The following SNX7 variants were observed in gnomAD, a reference collection of about 807,000 sequenced individuals.
SNX7 encodes sorting nexin-7.
SNX7 carries 35 observed loss-of-function variants against 48.4 expected under a neutral mutation model. The ratio of observed to expected loss-of-function variants is 0.72; its 90% confidence interval spans 0.55 to 0.96. The LOEUF (loss-of-function observed/expected upper bound fraction) is 0.96. SNX7 is among the 40% of genes least tolerant of loss of function. The pLI is 0.00. For synonymous variants in SNX7, 190 were observed against 190.2 expected (o/e 1.00, Z 0.01); for missense variants, 553 against 548.9 (o/e 1.01, Z -0.07).
chr1:98,677,272 T>C (rs1650216312), intron 1 of SNX7: 1 of 152,236 alleles, frequency 6.6e-6, no homozygotes, highest in Non-Finnish European at 1.5e-5. Flanking sequence ...TAGCCCTTCC[T>C]TTCCCATCTT....
At chr1:98,681,410 TAGC>T (rs1435078037) in intron 1 of SNX7, among the ~76,000 whole-genome samples, 2 of 152,122 alleles carry the variant, frequency 1.3e-5, no homozygotes, top group Non-Finnish European at 2.9e-5. Context: ...CAGGGCAACA[TAGC>T]AAGACCTTAT....
intron 8 of SNX7, among the ~76,000 whole-genome samples, chr1:98,742,455 A>G (rs1654118918): frequency 6.6e-6 from 1 of 152,110 alleles, no homozygotes; most frequent in African/African-American, 2.4e-5. Context: ...GTTTCTACTA[A>G]TGTTAATTTT....
intron 8 of SNX7, among the ~76,000 whole-genome samples, chr1:98,745,003 A>G (rs1049204220): frequency 6.6e-6 from 1 of 152,062 alleles, no homozygotes; most frequent in Non-Finnish European, 1.5e-5. Context: ...TACTGGAACA[A>G]TGTTTCCAAA....
chr1:98,756,422 G>GTTTTTTTT (rs35117249), intron 8 of SNX7, among the ~76,000 whole-genome samples: 5 of 54,686 alleles, frequency 9.1e-5, no homozygotes, highest in Admixed American at 3.3e-4. Flanking sequence ...TGCCAGATGA[G>GTTTTTTTT]TTTTTTTTTT....
chr1:98,717,522 C>G (rs1483745355), intron 7 of SNX7, among the ~76,000 whole-genome samples: 1 of 152,124 alleles, frequency 6.6e-6, no homozygotes, highest in Non-Finnish European at 1.5e-5. Flanking sequence ...ACCGCTATAT[C>G]TAATCCCAGA....
rs369778130 is a variant in SNX7, at chr1:98,684,884, G to A, written c.181-1G>A. 1.4e-6 allele frequency: 2 copies of A among 1,478,870 alleles called. No homozygotes were observed. The highest frequency in any genetic ancestry group is 1.5e-5 in the South Asian group (1 of 66,282). 91.6% of individuals were successfully genotyped at this position (1,478,870 alleles called of 1,614,324 possible). On this transcript the variant is annotated splice_acceptor_variant, in intron 1 of 8. Transcript: ENST00000306121. LOFTEE classifies it high-confidence loss of function. ...TAATTTTTGAATGTTTTATTTCTTA[G>A]GATGCCTCATTGATGGACATGAACT...
chr1:98,710,022 C>T (rs1415260325), intron 7 of SNX7, among the ~76,000 whole-genome samples: 1 of 152,094 alleles, frequency 6.6e-6, no homozygotes, highest in Non-Finnish European at 1.5e-5. Context: ...ACATTTCTTA[C>T]AACATACTGT....
chr1:98,698,966 G>A, intron 6 of SNX7, 61 bp downstream of exon 6: 1 of 1,503,222 alleles, frequency 6.7e-7, no homozygotes, highest in Non-Finnish European at 9.2e-7. Flanking sequence ...CTCCATAAAG[G>A]CAACTGTATT....
intron 2 of SNX7, among the ~76,000 whole-genome samples, chr1:98,690,621 C>T (rs1174187097): frequency 6.6e-6 from 1 of 151,962 alleles, no homozygotes; most frequent in East Asian, 1.9e-4. Flanking sequence ...TCCAAGAAAA[C>T]ATTTTTCTCA....
At chr1:98,741,240 C>T (rs981369664) in intron 8 of SNX7, among the ~76,000 whole-genome samples, 3 of 152,038 alleles carry the variant, frequency 2.0e-5, no homozygotes, top group African/African-American at 7.2e-5. Flanking sequence ...TTGGATTTAC[C>T]TGTATTAAGT....
At chr1:98,751,494 G>A (rs2101054289) in intron 8 of SNX7, among the ~76,000 whole-genome samples, 1 of 152,160 alleles carries the variant, frequency 6.6e-6, no homozygotes, top group Admixed American at 6.6e-5. Context: ...TCACCTTCCT[G>A]TGGTGGCTCT....
intron 1 of SNX7, among the ~76,000 whole-genome samples, chr1:98,673,092 C>A (rs1354826331): frequency 6.6e-6 from 1 of 152,144 alleles, no homozygotes; most frequent in Admixed American, 6.5e-5. Flanking sequence ...AAGTGTTTTA[C>A]TTTGGGATTT....
intron 2 of SNX7, among the ~76,000 whole-genome samples, chr1:98,685,515 T>G (rs1447074905): frequency 3.3e-5 from 5 of 152,166 alleles, no homozygotes; most frequent in African/African-American, 1.2e-4. Context: ...TATGAGATAC[T>G]GTTATGTGTG....
intron 8 of SNX7, among the ~76,000 whole-genome samples, chr1:98,750,109 TATAATA>T (rs1368904352): frequency 2.0e-5 from 3 of 152,028 alleles, no homozygotes; most frequent in Non-Finnish European, 4.4e-5. Flanking sequence ...TTACATATTC[TATAATA>T]ATAAGTATCA....
At chr1:98,694,369 CA>C (rs775800995) in intron 4 of SNX7, among the ~76,000 whole-genome samples, 1,692 of 54,090 alleles carry the variant, frequency 0.031, 6 homozygotes, top group African/African-American at 0.064. Flanking sequence ...GACTCCGTCT[CA>C]AAAAAAAAAA....
At chr1:98,746,289 G>A (rs761821953) in intron 8 of SNX7, among the ~76,000 whole-genome samples, 3 of 152,078 alleles carry the variant, frequency 2.0e-5, no homozygotes, top group East Asian at 3.9e-4. Context: ...TTTGGGTCTC[G>A]AATTATTGTA....
At chr1:98,662,189 A>G (rs1649274090) in intron 1 of SNX7, 1 of 310,270 alleles carries the variant, frequency 3.2e-6, no homozygotes, top group Non-Finnish European at 5.9e-6. Flanking sequence ...CAAAGTTGTG[A>G]TTTGTTTTCC....
At position 98,700,863 on chromosome 1, in the gene SNX7, C is replaced by T. The variant is rs1410020421; in HGVS notation, c.1039-954C>T. ...TGATTTGTGTCTAGTTTCTTTCCTTCTTCTTTAAAACACCAGAAGGCCCTT... is the reference window on the plus strand; with the variant it reads ...TGATTTGTGTCTAGTTTCTTTCCTTTTTCTTTAAAACACCAGAAGGCCCTT... On this transcript the variant is annotated intron_variant, in intron 6 of 8. Coordinates refer to ENST00000306121, the MANE Select transcript of SNX7 (RefSeq NM_015976.5). Among the ~76,000 whole-genome samples the T allele has an allele frequency of 2.0e-5, 3 of 152,066 alleles. No homozygotes were observed. In the East Asian group the frequency reaches 5.8e-4, roughly 29 times the overall value.
chr1:98,743,283 T>G (rs946523350), intron 8 of SNX7, among the ~76,000 whole-genome samples: 3 of 151,860 alleles, frequency 2.0e-5, no homozygotes, highest in Non-Finnish European at 4.4e-5. Context: ...TAAAGTTGAT[T>G]AGGGAAAAAT....
Sources: allele counts gnomAD v4.1 joint callset (sites outside exome capture counted in the v4.1 genomes callset), GRCh38; gene constraint gnomAD v4.1.1; transcripts MANE v1.5; gene names NCBI Gene and HGNC (gene_info 2026-07-23, HGNC 2026-07-21).